Variants in ARPC4 observed in about 807,000 individuals in gnomAD.
The protein encoded by ARPC4 is actin related protein 2/3 complex subunit 4.
ARPC4 carries 3 observed loss-of-function variants against 22.8 expected under a neutral mutation model. The ratio of observed to expected loss-of-function variants is 0.13; its 90% CI spans 0.06 to 0.34. ARPC4 has a LOEUF of 0.34. ARPC4 is among the 10% of genes least tolerant of loss of function. The probability of loss-of-function intolerance (pLI) is 1.00; values close to 1 mark genes in which losing one functional copy is unlikely to be tolerated. For synonymous variants in ARPC4, 80 were observed against 72.5 expected (o/e 1.10, Z -0.52); for missense variants, 98 against 211.0 (o/e 0.46, Z 3.32).
intron 2 of ARPC4, chr3:9,798,056 A>C (rs1179999226): frequency 6.4e-6 from 2 of 312,102 alleles, no homozygotes; most frequent in Non-Finnish European, 1.2e-5. Context: ...GGCATTGTTG[A>C]AAACACTGGT....
upstream of ARPC4, chr3:9,792,787 T>G (rs2078773608): frequency 3.2e-6 from 4 of 1,261,804 alleles, no homozygotes; most frequent in Non-Finnish European, 4.0e-6. Context: ...CCTAATTTGG[T>G]GCCCAATCTG....
chr3:9,804,410 T>G (rs2079069104), intron 5 of ARPC4, among the ~76,000 whole-genome samples: 1 of 152,212 alleles, frequency 6.6e-6, no homozygotes, highest in Non-Finnish European at 1.5e-5. Flanking sequence ...CAAATAGACT[T>G]CAGTACTTTC....
chr3:9,797,214 A>G (rs939000851), intron 1 of ARPC4, among the ~76,000 whole-genome samples: 2 of 152,228 alleles, frequency 1.3e-5, no homozygotes, highest in African/African-American at 2.4e-5. Flanking sequence ...GATTGACGAC[A>G]ATCATGCATT....
intron 1 of ARPC4, 69 bp from the exon 2 acceptor site, chr3:9,797,590 G>GCTT: frequency 6.4e-7 from 1 of 1,550,866 alleles, no homozygotes; most frequent in Non-Finnish European, 8.8e-7. Flanking sequence ...ATGGGAGCTG[G>GCTT]AATAGGGGAT....
At chr3:9,799,029 C>T (rs549887732) in intron 2 of ARPC4, among the ~76,000 whole-genome samples, 36 of 152,172 alleles carry the variant, frequency 2.4e-4, no homozygotes, top group East Asian at 2.3e-3. Context: ...TACTGTGTAA[C>T]GTACACGATT....
In ARPC4 at chr3:9,806,359, T is replaced by G; in HGVS notation, c.*144T>G. On this transcript the variant is annotated 3_prime_UTR_variant, in exon 6 of 6. Transcript: ENST00000397261. ...TTGATGCGGGAGGTGGGTGGTGTGCTTGCTAGCTGGGCAAGAAAGCAGCAG... is the reference window on the plus strand; with the variant it reads ...TTGATGCGGGAGGTGGGTGGTGTGCGTGCTAGCTGGGCAAGAAAGCAGCAG... 1 of 951,292 alleles carries G rather than the reference T, an allele frequency of 1.1e-6. No homozygotes were observed. The highest frequency in any genetic ancestry group is 2.4e-5 in the East Asian group (1 of 41,648). 58.9% of individuals were successfully genotyped at this position (951,292 alleles called of 1,614,324 possible).
At chr3:9,792,991 C>T, upstream of ARPC4, 1 of 1,470,778 alleles carries the variant, frequency 6.8e-7, no homozygotes, top group Non-Finnish European at 9.0e-7. Flanking sequence ...GGCTCTCTAC[C>T]CCGCTCGGAG....
At chr3:9,797,298 G>A (rs545476936) in intron 1 of ARPC4, among the ~76,000 whole-genome samples, 1 of 152,282 alleles carries the variant, frequency 6.6e-6, no homozygotes. Flanking sequence ...TCTTTGTAGT[G>A]CATTGTAGTA....
intron 1 of ARPC4, 45 bp from the exon 2 acceptor site, chr3:9,797,614 G>A (rs763079178): frequency 4.6e-5 from 74 of 1,592,490 alleles, no homozygotes; most frequent in Admixed American, 6.8e-5. Flanking sequence ...TGGGTTTGGC[G>A]TGACAGATTT....
At chr3:9,793,276 C>T (rs1450820563) in intron 1 of ARPC4, 152 bp downstream of exon 1, 3 of 1,285,688 alleles carry the variant, frequency 2.3e-6, no homozygotes, top group Admixed American at 3.0e-5. Context: ...AGAGACGGGG[C>T]GGGGGCCCGA....
intron 3 of ARPC4, 145 bp downstream of exon 3, chr3:9,800,441 T>G: frequency 2.7e-6 from 2 of 729,548 alleles, no homozygotes; most frequent in Non-Finnish European, 4.4e-6. Context: ...CCTTTTTTTT[T>G]GACACGGATT....
rs752173062 is a variant in ARPC4 at position 9,793,139 on chromosome 3, C to T, written c.3+15C>T. On this transcript the variant is annotated intron_variant, in intron 1 of 5. Transcript: ENST00000397261. Reference sequence around the variant, plus strand: ...CGCCCGCGATGGTGAGAGAGCCGGGCCCCCGGCCAGGGACCCCCGGCTGTT... The same window carrying T: ...CGCCCGCGATGGTGAGAGAGCCGGGTCCCCGGCCAGGGACCCCCGGCTGTT... 1.0e-4 allele frequency: 154 copies of T among 1,540,330 alleles called. 4 individuals carry two copies. The South Asian group carries it at 1.5e-3, about 15-fold the overall frequency.
At chr3:9,803,594 C>T (rs769558830) in intron 4 of ARPC4, 2 of 640,722 alleles carry the variant, frequency 3.1e-6, no homozygotes, top group Non-Finnish European at 5.8e-6. Flanking sequence ...AGCTGTTGTG[C>T]CACAGATAGT....
At chr3:9,792,999 G>T (rs985726445), upstream of ARPC4, 27 of 1,504,014 alleles carry the variant, frequency 1.8e-5, no homozygotes, top group East Asian at 6.8e-4. Context: ...ACCCCGCTCG[G>T]AGCATAGATG....
At chr3:9,792,727 A>G, upstream of ARPC4, 1 of 1,236,136 alleles carries the variant, frequency 8.1e-7, no homozygotes, top group Non-Finnish European at 1.0e-6. Flanking sequence ...GAGAGAAAGG[A>G]TGGGGGTACA....
intron 4 of ARPC4, chr3:9,803,479 C>G: frequency 2.2e-6 from 1 of 464,970 alleles, no homozygotes. Context: ...CCCTTAATCC[C>G]ACCCATCTTC....
At chr3:9,794,476 G>A (rs991656861) in intron 1 of ARPC4, among the ~76,000 whole-genome samples, 18 of 152,066 alleles carry the variant, frequency 1.2e-4, no homozygotes, top group African/African-American at 4.1e-4. Flanking sequence ...ACCAGACTGG[G>A]CAACAGAGTA....
chr3:9,799,181 A>T (rs1244168763), intron 2 of ARPC4, among the ~76,000 whole-genome samples: 1 of 152,172 alleles, frequency 6.6e-6, no homozygotes, highest in African/African-American at 2.4e-5. Context: ...TCATTTCTGG[A>T]TTGATAATTA....
At chr3:9,792,984 T>G (rs998729107), upstream of ARPC4, 6 of 1,446,766 alleles carry the variant, frequency 4.1e-6, no homozygotes, top group African/African-American at 2.9e-5. Context: ...TCGTAAGGGC[T>G]CTCTACCCCG....
Sources: allele counts gnomAD v4.1 joint callset (sites outside exome capture counted in the v4.1 genomes callset), GRCh38; gene constraint gnomAD v4.1.1; transcripts MANE v1.5; gene names NCBI Gene and HGNC (gene_info 2026-07-23, HGNC 2026-07-21).